RARB: variants seen among roughly 807,000 people sequenced by gnomAD.
RARB encodes HBV-activated protein.
RARB carries 17 observed loss-of-function variants against 51.9 expected under a neutral mutation model. That is an observed-to-expected ratio of 0.33 (90% CI 0.22 to 0.49). The LOEUF is 0.49. RARB is among the 20% of genes least tolerant of loss of function. The pLI, the probability that RARB is intolerant of heterozygous loss-of-function variation, is 0.99. For missense variants in RARB, 369 were observed against 550.8 expected (o/e 0.67, Z 3.30); for synonymous variants, 215 against 195.4 (o/e 1.10, Z -0.84).
At chr3:25,238,950 G>T (rs1371999396) in intron 5 of RARB, among the ~76,000 whole-genome samples, 1 of 151,180 alleles carries the variant, frequency 6.6e-6, no homozygotes, top group East Asian at 1.9e-4. Flanking sequence ...CTGCACTCCA[G>T]CCGGGGCAGC....
At chr3:24,913,432 C>T (rs537111731) in intron 2 of RARB, among the ~76,000 whole-genome samples, 7 of 126,738 alleles carry the variant, frequency 5.5e-5, no homozygotes, top group South Asian at 4.9e-4. Context: ...GGTCAGAGAT[C>T]GTCTATAGTA....
chr3:25,583,994 A>G (rs1701287438), intron 5 of RARB, among the ~76,000 whole-genome samples: 1 of 151,610 alleles, frequency 6.6e-6, no homozygotes, highest in African/African-American at 2.4e-5. Context: ...TTCTCGTTCA[A>G]TCTCCTTTAT....
intron 5 of RARB, among the ~76,000 whole-genome samples, chr3:25,411,804 C>G (rs1707569045): frequency 6.6e-6 from 1 of 152,104 alleles, no homozygotes; most frequent in South Asian, 2.1e-4. Context: ...CCTTGGACGT[C>G]CAGAGAGAAA....
chr3:25,482,481 T>C (rs1471794616), intron 2 of RARB, among the ~76,000 whole-genome samples: 5 of 148,758 alleles, frequency 3.4e-5, no homozygotes, highest in Non-Finnish European at 5.9e-5. Context: ...TAACAACAAA[T>C]GCAAGTTACA....
chr3:25,534,003 C>G (rs768461564), intron 3 of RARB, among the ~76,000 whole-genome samples: 1 of 152,176 alleles, frequency 6.6e-6, no homozygotes, highest in Non-Finnish European at 1.5e-5. Flanking sequence ...TAAGTCCTTG[C>G]TCATGTCTAG....
intron 5 of RARB, among the ~76,000 whole-genome samples, chr3:25,225,350 C>G (rs1303829742): frequency 2.0e-5 from 3 of 152,036 alleles, no homozygotes; most frequent in African/African-American, 7.2e-5. Context: ...AAAGGTGATT[C>G]CTGGGGCTGC....
chr3:25,408,178 A>C (rs1261578531), intron 5 of RARB, among the ~76,000 whole-genome samples: 1 of 152,128 alleles, frequency 6.6e-6, no homozygotes, highest in African/African-American at 2.4e-5. Flanking sequence ...TCTGTGTCTC[A>C]TTTCTTGATT....
At chr3:25,435,529 T>G (rs960074842) in intron 1 of RARB, among the ~76,000 whole-genome samples, 1 of 152,272 alleles carries the variant, frequency 6.6e-6, no homozygotes, top group East Asian at 1.9e-4. Context: ...GCTGGTCTAT[T>G]GGAAAGCTTG....
intron 4 of RARB, among the ~76,000 whole-genome samples, chr3:25,163,025 T>C (rs754739840): frequency 2.1e-4 from 32 of 152,226 alleles, no homozygotes; most frequent in Non-Finnish European, 3.5e-4. Flanking sequence ...CTGAAACATT[T>C]GATATTCTCA....
intron 4 of RARB, among the ~76,000 whole-genome samples, chr3:25,162,370 A>G (rs1406240288): frequency 6.6e-6 from 1 of 152,158 alleles, no homozygotes; most frequent in East Asian, 1.9e-4. Flanking sequence ...TGGCCTCTCA[A>G]AATGCTAGGA....
intron 5 of RARB, among the ~76,000 whole-genome samples, chr3:25,256,395 T>C (rs1702865911): frequency 6.6e-6 from 1 of 152,164 alleles, no homozygotes; most frequent in African/African-American, 2.4e-5. Flanking sequence ...CTTTATTCTT[T>C]CACTCTTGTT....
chr3:24,880,694 C>G (rs756447076), intron 2 of RARB, among the ~76,000 whole-genome samples: 12 of 152,028 alleles, frequency 7.9e-5, no homozygotes, highest in Non-Finnish European at 1.6e-4. Flanking sequence ...TAACATATCT[C>G]AACAATTTGA....
At chr3:25,207,240 T>C (rs1255086585) in intron 5 of RARB, among the ~76,000 whole-genome samples, 1 of 152,220 alleles carries the variant, frequency 6.6e-6, no homozygotes, top group African/African-American at 2.4e-5. Flanking sequence ...AAGCATGTTT[T>C]CATTTTGAGT....
chr3:24,830,664 G>GGTGT (rs142061113), intron 1 of RARB, among the ~76,000 whole-genome samples: 7 of 139,830 alleles, frequency 5.0e-5, no homozygotes, highest in East Asian at 2.1e-4. Flanking sequence ...CAGAGTGTGG[G>GGTGT]GTGTGTGTGT....
At chr3:25,024,669 G>C (rs914925304) in intron 2 of RARB, among the ~76,000 whole-genome samples, 3 of 152,076 alleles carry the variant, frequency 2.0e-5, no homozygotes, top group African/African-American at 7.2e-5. Context: ...AATTTAAAAA[G>C]AGCTGGGCAC....
intron 4 of RARB, among the ~76,000 whole-genome samples, chr3:25,164,291 C>T (rs1384303428): frequency 6.6e-6 from 1 of 152,160 alleles, no homozygotes; most frequent in Non-Finnish European, 1.5e-5. Context: ...TATTGAGCAG[C>T]AAGACTATTA....
At chr3:24,996,421 T>C (rs1041401382) in intron 2 of RARB, among the ~76,000 whole-genome samples, 2 of 152,120 alleles carry the variant, frequency 1.3e-5, no homozygotes, top group African/African-American at 4.8e-5. Context: ...TTTTGTTTTA[T>C]TGATCCTTTG....
chr3:25,578,567 A>G (rs1204861279), intron 4 of RARB, among the ~76,000 whole-genome samples: 1 of 152,154 alleles, frequency 6.6e-6, no homozygotes, highest in East Asian at 1.9e-4. Context: ...CTTCCTACGA[A>G]CCGGATAAAC....
At chr3:24,989,466 A>T (rs1696865203) in intron 2 of RARB, among the ~76,000 whole-genome samples, 1 of 113,746 alleles carries the variant, frequency 8.8e-6, no homozygotes, top group South Asian at 3.0e-4. Flanking sequence ...AATATACTCG[A>T]GTTTCCACTT....
Sources: gnomAD v4.1 joint callset for allele counts (sites outside exome capture counted in the v4.1 genomes callset) on GRCh38, gnomAD v4.1.1 for gene constraint, MANE v1.5 for transcripts, NCBI Gene and HGNC (gene_info 2026-07-23, HGNC 2026-07-21) for gene names.